The following NCAM2 variants were observed in gnomAD, a reference collection of about 807,000 sequenced individuals.
The protein encoded by NCAM2 is N-CAM-2.
In NCAM2, 30 loss-of-function variants were observed where a neutral mutation model predicts 98.1. The ratio of observed to expected loss-of-function variants is 0.31; its 90% CI spans 0.23 to 0.41. NCAM2 has a LOEUF of 0.41. Ranked by LOEUF, NCAM2 falls within the 10% of genes least tolerant of loss-of-function variation. The probability of loss-of-function intolerance (pLI) is 1.00; values close to 1 mark genes in which losing one functional copy is unlikely to be tolerated. For synonymous variants in NCAM2, 368 were observed against 342.4 expected (o/e 1.07, Z -0.83); for missense variants, 867 against 1,005.8 (o/e 0.86, Z 1.87).
At chr21:21,141,951 A>G (rs2067175961) in intron 1 of NCAM2, among the ~76,000 whole-genome samples, 1 of 152,222 alleles carries the variant, frequency 6.6e-6, no homozygotes, top group African/African-American at 2.4e-5. Context: ...CAGAAAAATA[A>G]TAGATACATG....
At chr21:21,407,271 G>A (rs1469746414) in intron 9 of NCAM2, among the ~76,000 whole-genome samples, 1 of 152,162 alleles carries the variant, frequency 6.6e-6, no homozygotes, top group African/African-American at 2.4e-5. Context: ...ATCCTGTATA[G>A]ACATTTAGTT....
chr21:21,424,540 G>A (rs948122387), intron 11 of NCAM2, among the ~76,000 whole-genome samples: 3 of 152,080 alleles, frequency 2.0e-5, no homozygotes, highest in African/African-American at 7.2e-5. Flanking sequence ...GTAGAAACAG[G>A]TCCAGGGAAG....
At chr21:21,317,813 G>T (rs561048727) in intron 5 of NCAM2, among the ~76,000 whole-genome samples, 1 of 152,094 alleles carries the variant, frequency 6.6e-6, no homozygotes, top group Admixed American at 6.6e-5. Flanking sequence ...GGGATTACAG[G>T]TGCGAGCCAC....
At chr21:21,056,788 TA>T (rs1463536986) in intron 1 of NCAM2, among the ~76,000 whole-genome samples, 2 of 151,982 alleles carry the variant, frequency 1.3e-5, no homozygotes, top group Non-Finnish European at 2.9e-5. Flanking sequence ...CAAATAAATA[TA>T]GATAGATAAT....
intron 1 of NCAM2, among the ~76,000 whole-genome samples, chr21:21,243,253 G>C (rs2826748): frequency 0.8 from 122,234 of 152,064 alleles, 51,752 homozygotes; most frequent in Non-Finnish European, 0.96. Flanking sequence ...AAAAGTCTTA[G>C]AACTATGGGA....
chr21:21,239,501 G>A (rs2070982406), intron 1 of NCAM2: 1 of 152,104 alleles, frequency 6.6e-6, no homozygotes, highest in African/African-American at 2.4e-5. Flanking sequence ...CAATGTTAGG[G>A]TGATATTAGT....
At chr21:21,009,906 TGTGTG>T (rs2064177697) in intron 1 of NCAM2, among the ~76,000 whole-genome samples, 1 of 151,616 alleles carries the variant, frequency 6.6e-6, no homozygotes, top group Non-Finnish European at 1.5e-5. Flanking sequence ...TGTGTGTGTG[TGTGTG>T]TGTGTGTTTT....
chr21:21,312,029 C>T (rs748171783), intron 5 of NCAM2, among the ~76,000 whole-genome samples: 1 of 152,092 alleles, frequency 6.6e-6, no homozygotes, highest in Non-Finnish European at 1.5e-5. Context: ...GTTGTTCTTT[C>T]AGCATGAGGT....
At chr21:21,366,584 A>G in intron 8 of NCAM2, among the ~76,000 whole-genome samples, 1 of 152,070 alleles carries the variant, frequency 6.6e-6, no homozygotes, top group East Asian at 1.9e-4. Context: ...TAAGTATGCT[A>G]TAGCAGCATG....
intron 12 of NCAM2, among the ~76,000 whole-genome samples, chr21:21,452,244 T>C (rs1016275987): frequency 1.1e-4 from 17 of 151,060 alleles, no homozygotes; most frequent in African/African-American, 3.9e-4. Context: ...CATATACATA[T>C]GTGTATATGT....
At chr21:21,056,134 A>T (rs1231785462) in intron 1 of NCAM2, among the ~76,000 whole-genome samples, 2 of 152,134 alleles carry the variant, frequency 1.3e-5, no homozygotes, top group African/African-American at 4.8e-5. Context: ...ATTGGAGGAA[A>T]AAAAGCCTGT....
intron 16 of NCAM2, among the ~76,000 whole-genome samples, chr21:21,527,098 A>G (rs186261929): frequency 6.8e-6 from 1 of 147,998 alleles, no homozygotes; most frequent in Admixed American, 7.1e-5. Flanking sequence ...CAAAAGCACA[A>G]TCCATGAAAG....
intron 1 of NCAM2, among the ~76,000 whole-genome samples, chr21:21,088,578 A>G (rs2065947750): frequency 6.6e-6 from 1 of 152,192 alleles, no homozygotes; most frequent in Non-Finnish European, 1.5e-5. Context: ...CAAATTTCAT[A>G]TAGACGTGCA....
intron 1 of NCAM2, among the ~76,000 whole-genome samples, chr21:21,087,920 T>C (rs1252881389): frequency 3.3e-5 from 5 of 152,226 alleles, no homozygotes; most frequent in Non-Finnish European, 4.4e-5. Flanking sequence ...CATATTCATA[T>C]GTCAGGAGTA....
intron 12 of NCAM2, among the ~76,000 whole-genome samples, chr21:21,440,400 G>A (rs1979057177): frequency 1.3e-5 from 2 of 152,036 alleles, no homozygotes. Context: ...AAAATAAATA[G>A]GCCTGGCACA....
chr21:21,043,501 G>C (rs2064945622), intron 1 of NCAM2, among the ~76,000 whole-genome samples: 1 of 151,566 alleles, frequency 6.6e-6, no homozygotes, highest in Admixed American at 6.6e-5. Flanking sequence ...TCAGAAGGTA[G>C]CTTTTGTTTT....
At chr21:21,261,430 T>C (rs2071894752) in intron 1 of NCAM2, among the ~76,000 whole-genome samples, 1 of 152,148 alleles carries the variant, frequency 6.6e-6, no homozygotes. Context: ...CTCTCTAAAA[T>C]TGACCACATG....
chr21:21,089,218 C>T (rs908540095), intron 1 of NCAM2, among the ~76,000 whole-genome samples: 2 of 151,978 alleles, frequency 1.3e-5, no homozygotes, highest in African/African-American at 4.8e-5. Flanking sequence ...AAAATTACCC[C>T]AATAGAAATA....
chr21:21,475,311 G>A (rs1380650686), intron 14 of NCAM2, among the ~76,000 whole-genome samples: 1 of 152,008 alleles, frequency 6.6e-6, no homozygotes, highest in Non-Finnish European at 1.5e-5. Context: ...TAGGTATTAT[G>A]TGCCTCCATT....
Sources: gnomAD v4.1 joint callset for allele counts (sites outside exome capture counted in the v4.1 genomes callset) on GRCh38, gnomAD v4.1.1 for gene constraint, MANE v1.5 for transcripts, NCBI Gene and HGNC (gene_info 2026-07-23, HGNC 2026-07-21) for gene names.